Variants in REPS2 observed in about 807,000 individuals in gnomAD.
The protein encoded by REPS2 is RALBP1 associated Eps domain containing 2, also known as ralBP1-associated Eps domain-containing protein 2.
Under a neutral mutation model 53.6 loss-of-function variants are expected in REPS2, and 23 were observed. The observed-to-expected ratio is 0.43, with a 90% CI of 0.31 to 0.61. The LOEUF (loss-of-function observed/expected upper bound fraction) is 0.61. REPS2 is among the 20% of genes least tolerant of loss of function. REPS2 has a pLI of 0.11. For missense variants in REPS2, 446 were observed against 534.9 expected (o/e 0.83, Z 1.64); for synonymous variants, 238 against 218.6 (o/e 1.09, Z -0.78).
At chrX:17,077,133 A>AAATTC (rs2062391658) in intron 12 of REPS2, 138 bp from the exon 13 acceptor site, 1 of 590,972 alleles carries the variant, frequency 1.7e-6, no homozygotes, top group African/African-American at 2.3e-5. Context: ...TTCAATGGGT[A>AAATTC]ATAGAATTTA....
At chrX:17,140,153 C>T (rs1240409063) in intron 17 of REPS2, among the ~76,000 whole-genome samples, 1 of 111,756 alleles carries the variant, frequency 8.9e-6, no homozygotes, top group African/African-American at 3.3e-5. Context: ...TACTTTCAAA[C>T]CAGTAATTTT....
chrX:17,069,910 C>CT, intron 10 of REPS2, 30 bp from the exon 11 acceptor site: 1 of 980,533 alleles, frequency 1.0e-6, no homozygotes, highest in Non-Finnish European at 1.4e-6. Flanking sequence ...TTTTCTCTTT[C>CT]TTTTTGCTTA....
At chrX:17,033,866 G>A (rs905896808) in intron 5 of REPS2, among the ~76,000 whole-genome samples, 15 of 110,755 alleles carry the variant, frequency 1.4e-4, no homozygotes, top group Non-Finnish European at 1.9e-4. Flanking sequence ...CTACCTCCTC[G>A]GCCACAGCAG....
At chrX:16,964,559 G>A (rs1278547646) in intron 1 of REPS2, among the ~76,000 whole-genome samples, 1 of 110,233 alleles carries the variant, frequency 9.1e-6, no homozygotes, top group Non-Finnish European at 1.9e-5. Flanking sequence ...CCTCCCAGAC[G>A]GGGTGGTGGC....
intron 5 of REPS2, among the ~76,000 whole-genome samples, chrX:17,042,349 C>T (rs754299087): frequency 9.0e-6 from 1 of 111,648 alleles, no homozygotes; most frequent in African/African-American, 3.3e-5. Context: ...CTTATTTGCC[C>T]TCATTTCTCA....
the REPS2 span, among the ~76,000 whole-genome samples, chrX:17,196,300 G>T: frequency 1.8e-5 from 2 of 111,589 alleles, no homozygotes; most frequent in Non-Finnish European, 3.8e-5. Flanking sequence ...CCCAAAGTTG[G>T]GCCCCTGTAT....
At chrX:17,167,192 A>G in the REPS2 span, among the ~76,000 whole-genome samples, 1 of 112,104 alleles carries the variant, frequency 8.9e-6, no homozygotes, top group Non-Finnish European at 1.9e-5. Flanking sequence ...ATATGTAGGA[A>G]GAAGGCAAGA....
downstream of REPS2, among the ~76,000 whole-genome samples, chrX:17,155,410 CT>C (rs1318621785): frequency 9.0e-6 from 1 of 111,699 alleles, no homozygotes; most frequent in African/African-American, 3.3e-5. Flanking sequence ...GGCCCCACCC[CT>C]CAACACTGCC....
At chrX:16,969,591 CG>C (rs1173084928) in intron 1 of REPS2, among the ~76,000 whole-genome samples, 8 of 90,197 alleles carry the variant, frequency 8.9e-5, no homozygotes, top group African/African-American at 3.2e-4. Context: ...TCAGGCGTGG[CG>C]GCGCGCGCCT....
At chrX:17,013,617 G>C (rs2061454708) in intron 2 of REPS2, among the ~76,000 whole-genome samples, 1 of 55,548 alleles carries the variant, frequency 1.8e-5, no homozygotes, top group African/African-American at 8.2e-5. Flanking sequence ...TAAGGTTGTA[G>C]CTGGCTCTGT....
rs188444044 is a variant in REPS2 at position 17,134,633 on chromosome X, T to G, written c.1663-628T>G. Among the ~76,000 whole-genome samples the G allele has an allele frequency of 3.6e-5, 4 of 111,414 alleles. No homozygotes were observed. The East Asian group carries it at 1.1e-3, about 32-fold the overall frequency. On this transcript the variant is annotated intron_variant, in intron 15 of 17. Coordinates refer to ENST00000357277, the MANE Select transcript of REPS2 (RefSeq NM_004726.3). ...CTTAGGTTTTTTTTTGTTTTTGTTT[T>G]TGTTTTTTTTTCCTGAGACAGAGTC...
intron 1 of REPS2, among the ~76,000 whole-genome samples, chrX:16,948,369 A>G (rs2060467735): frequency 8.9e-6 from 1 of 112,607 alleles, no homozygotes; most frequent in African/African-American, 3.2e-5. Context: ...GTTTATCCCT[A>G]AAGAAGTCCT....
chrX:17,006,224 A>G lies in REPS2; in HGVS notation c.277A>G (p.Thr93Ala), dbSNP rs1429638511. Reference sequence around the variant, plus strand: ...TGTTTTTCTTGTCTGTTCTCAGATCACAGAACTGTGTGGTGCAAAGCGGGT... The same window carrying G: ...TGTTTTTCTTGTCTGTTCTCAGATCGCAGAACTGTGTGGTGCAAAGCGGGT... The part of the protein sequence containing the change: ...QLPAETLHQI[T>A]ELCGAKRVGY... Residue 93 changes from threonine (T) to alanine (A), a missense_variant, in exon 2 of 18, where the codon ACA becomes GCA. Transcript: ENST00000357277. The G allele has an allele frequency of 8.3e-7, 1 of 1,209,180 alleles. No homozygotes were observed. Among genetic ancestry groups the G allele is most frequent in the Non-Finnish European group, 1.1e-6 (1 of 894,630 alleles).
intron 5 of REPS2, among the ~76,000 whole-genome samples, chrX:17,046,555 TG>T (rs2061909846): frequency 1.8e-5 from 2 of 111,930 alleles, no homozygotes; most frequent in Non-Finnish European, 3.8e-5. Context: ...TTAGGGTTCA[TG>T]GGAGGGATAG....
At chrX:17,174,440 G>A in the REPS2 span, among the ~76,000 whole-genome samples, 5 of 111,815 alleles carry the variant, frequency 4.5e-5, no homozygotes, top group African/African-American at 1.6e-4. Flanking sequence ...GGTCAGGGTC[G>A]TGGCCTGGGT....
Position 17,062,513 on chromosome X carries a change from G to A in REPS2, c.1190G>A (p.Arg397His), listed in dbSNP as rs1356369143. ...TCACTGCCGGCAAATCAACAACCTC[G>A]TGACTTGAATCGGATGGAGGTAAAA... The part of the protein sequence containing the change: ...SESLPANQQP[R>H]DLNRMEKTSV... Residue 397 changes from arginine to histidine, a missense_variant, in exon 9 of 18, where the codon CGT becomes CAT. Transcript: ENST00000357277. The A allele has an allele frequency of 1.7e-6, 2 of 1,200,421 alleles. No homozygotes were observed. The highest frequency in any genetic ancestry group is 1.7e-5 in the African/African-American group (1 of 57,511).
intron 1 of REPS2, among the ~76,000 whole-genome samples, chrX:16,968,508 C>T (rs1248997225): frequency 3.0e-5 from 3 of 99,267 alleles, no homozygotes; most frequent in African/African-American, 1.1e-4. Flanking sequence ...GGGCGGCTGG[C>T]CGGGCGGGGG....
At chrX:17,112,886 A>G (rs949080343) in intron 14 of REPS2, among the ~76,000 whole-genome samples, 10 of 108,703 alleles carry the variant, frequency 9.2e-5, no homozygotes, top group African/African-American at 3.0e-4. Flanking sequence ...CAGGAGATCA[A>G]GACCATCCTG....
chrX:17,101,559 C>G (rs947948118), intron 13 of REPS2, among the ~76,000 whole-genome samples: 4 of 112,084 alleles, frequency 3.6e-5, no homozygotes, highest in African/African-American at 1.3e-4. Flanking sequence ...AGGTGACATG[C>G]TTTTATCTAA....
Sources: allele counts gnomAD v4.1 joint callset (sites outside exome capture counted in the v4.1 genomes callset), GRCh38; gene constraint gnomAD v4.1.1; transcripts MANE v1.5; gene names NCBI Gene and HGNC (gene_info 2026-07-23, HGNC 2026-07-21).